The following WASF1 variants were observed in gnomAD, a reference collection of about 807,000 sequenced individuals.
The protein encoded by WASF1 is WASP family member 1, also known as actin-binding protein WASF1.
WASF1 carries 7 observed loss-of-function variants against 50.5 expected under a neutral mutation model. That is an observed-to-expected ratio of 0.14 (90% CI 0.08 to 0.26). The LOEUF is 0.26. Among genes scored for constraint, WASF1 ranks in the 10% least tolerant of loss-of-function variants. The pLI is 1.00. For missense variants in WASF1, 470 were observed against 694.7 expected (o/e 0.68, Z 3.64); for synonymous variants, 205 against 244.0 (o/e 0.84, Z 1.49).
intron 2 of WASF1, among the ~76,000 whole-genome samples, chr6:110,166,010 A>G (rs1412256305): frequency 6.6e-6 from 1 of 151,814 alleles, no homozygotes; most frequent in Non-Finnish European, 1.5e-5. Flanking sequence ...AGGGGTAAAA[A>G]TGCAGTAGGG....
At chr6:110,173,327 CA>C (rs1341272390) in intron 2 of WASF1, among the ~76,000 whole-genome samples, 3 of 151,878 alleles carry the variant, frequency 2.0e-5, no homozygotes, top group Non-Finnish European at 4.4e-5. Context: ...AACAAAAAAA[CA>C]AAAAAACTTT....
chr6:110,122,024 G>A (rs371535419), intron 4 of WASF1, among the ~76,000 whole-genome samples: 51 of 151,856 alleles, frequency 3.4e-4, no homozygotes, highest in African/African-American at 1.2e-3. Context: ...TCACATACCC[G>A]GGTCTGTCGG....
intron 3 of WASF1, 36 bp from the exon 4 acceptor site, chr6:110,127,665 T>G: frequency 6.9e-7 from 1 of 1,446,174 alleles, no homozygotes; most frequent in South Asian, 1.6e-5. Context: ...CAATATTAAA[T>G]TTCAGCCAAC....
chr6:110,166,760 C>T (rs1308958985), intron 2 of WASF1, among the ~76,000 whole-genome samples: 1 of 151,936 alleles, frequency 6.6e-6, no homozygotes, highest in African/African-American at 2.4e-5. Flanking sequence ...TGCAAAGAAT[C>T]TTAACTTCTC....
chr6:110,167,482 G>A (rs1433105492), intron 2 of WASF1, among the ~76,000 whole-genome samples: 1 of 151,898 alleles, frequency 6.6e-6, no homozygotes, highest in Admixed American at 6.6e-5. Flanking sequence ...GTAGGCCTAG[G>A]ATAAGGTGTG....
intron 3 of WASF1, among the ~76,000 whole-genome samples, chr6:110,159,898 T>C (rs1442937155): frequency 1.3e-5 from 2 of 151,838 alleles, no homozygotes; most frequent in African/African-American, 4.8e-5. Context: ...TTTTGGAACA[T>C]TTCAGATTTT....
intron 4 of WASF1, 109 bp from the exon 5 acceptor site, chr6:110,113,569 G>T: frequency 1.0e-6 from 1 of 986,536 alleles, no homozygotes; most frequent in Non-Finnish European, 1.4e-6. Flanking sequence ...GATACTTTGT[G>T]ATCAGAGATA....
chr6:110,105,860 T>C (rs772020392), intron 7 of WASF1, among the ~76,000 whole-genome samples: 1 of 152,160 alleles, frequency 6.6e-6, no homozygotes, highest in Non-Finnish European at 1.5e-5. Flanking sequence ...GGTCAGAAAG[T>C]CTTTCAGATG....
At chr6:110,177,252 C>T (rs1353055271) in intron 2 of WASF1, 2 of 151,982 alleles carry the variant, frequency 1.3e-5, no homozygotes, top group African/African-American at 4.8e-5. Context: ...TAACTTAATT[C>T]AATATTCTAC....
chr6:110,119,699 C>G (rs60759666), intron 4 of WASF1, among the ~76,000 whole-genome samples: 4,013 of 152,272 alleles, frequency 0.026, 171 homozygotes, highest in African/African-American at 0.091. Context: ...ATGAGGCTAG[C>G]ATCATCCTGA....
rs112600680 is a variant in WASF1 at position 110,103,560 on chromosome 6, A to G, written c.714-3T>C. ...TATGATCCACGTATGTCTGAGGTCT[A>G]AAAGAAATATATAGTATCAGTGAAT... is the stretch of plus-strand genomic sequence containing the variant. On this transcript the variant is annotated splice_polypyrimidine_tract_variant and splice_region_variant and intron_variant, in intron 8 of 10. Transcript: ENST00000392589. 1.8e-4 allele frequency: 296 copies of G among 1,606,726 alleles called. 1 individual carries two copies. In the African/African-American group the frequency reaches 3.3e-3, roughly 18 times the overall value.
intron 3 of WASF1, among the ~76,000 whole-genome samples, chr6:110,159,030 C>T (rs1776149791): frequency 1.3e-5 from 2 of 151,902 alleles, no homozygotes; most frequent in South Asian, 2.1e-4. Context: ...GTTTTCCATG[C>T]TTACATCTTG....
chr6:110,114,197 G>T (rs1208503987), intron 4 of WASF1, among the ~76,000 whole-genome samples: 2 of 152,166 alleles, frequency 1.3e-5, no homozygotes, highest in Non-Finnish European at 2.9e-5. Flanking sequence ...CATGGTTCTT[G>T]TGTATTTTCC....
intron 4 of WASF1, among the ~76,000 whole-genome samples, chr6:110,120,208 G>T (rs1774030566): frequency 1.3e-5 from 2 of 152,122 alleles, no homozygotes; most frequent in African/African-American, 2.4e-5. Context: ...AGAAGAGAAA[G>T]AAATAAAGGG....
Position 110,100,242 on chromosome 6 carries a change from T to C in WASF1, c.*280A>G. On this transcript the variant is annotated 3_prime_UTR_variant, in exon 11 of 11. Coordinates refer to ENST00000392589, the MANE Select transcript of WASF1 (RefSeq NM_003931.3). ...ACACAATTAAGATATATCAAAAAAC[T>C]GAATCTGCTACTCTAACAACAGCTG... 1 of 253,534 alleles carries C rather than the reference T, an allele frequency of 3.9e-6. No individual in the cohort carries two copies. Among genetic ancestry groups the C allele is most frequent in the Non-Finnish European group, 7.5e-6 (1 of 133,462 alleles). 15.7% of individuals were successfully genotyped at this position (253,534 alleles called of 1,614,324 possible).
chr6:110,106,275 CCT>C (rs1773321214), intron 7 of WASF1, among the ~76,000 whole-genome samples: 1 of 152,186 alleles, frequency 6.6e-6, no homozygotes, highest in Non-Finnish European at 1.5e-5. Flanking sequence ...AATTTAAAAA[CCT>C]CTGTGTTTGG....
chr6:110,112,414 A>G (rs1190066733), intron 5 of WASF1, among the ~76,000 whole-genome samples: 1 of 152,082 alleles, frequency 6.6e-6, no homozygotes, highest in Non-Finnish European at 1.5e-5. Context: ...AAGGCATAAA[A>G]CATGATTTTA....
chr6:110,108,430 G>A, intron 6 of WASF1, 98 bp downstream of exon 6: 1 of 1,277,558 alleles, frequency 7.8e-7, no homozygotes, highest in Non-Finnish European at 1.1e-6. Context: ...TCTCTGTGTT[G>A]GCTAGAACCC....
chr6:110,109,460 A>T (rs943878733), intron 5 of WASF1, among the ~76,000 whole-genome samples: 3 of 152,236 alleles, frequency 2.0e-5, no homozygotes, highest in Non-Finnish European at 4.4e-5. Context: ...GATATTAAAA[A>T]ATAAGGTAAT....
Sources: allele counts gnomAD v4.1 joint callset (sites outside exome capture counted in the v4.1 genomes callset), GRCh38; gene constraint gnomAD v4.1.1; transcripts MANE v1.5; gene names NCBI Gene and HGNC (gene_info 2026-07-23, HGNC 2026-07-21).